Variants in IMPG1 observed in about 807,000 individuals in gnomAD.
IMPG1 encodes the protein interphotoreceptor matrix proteoglycan of 150 kDa.
Under a neutral mutation model 92.0 loss-of-function variants are expected in IMPG1, and 85 were observed. That is an observed-to-expected ratio of 0.92 (90% CI 0.78 to 1.11). The LOEUF (loss-of-function observed/expected upper bound fraction) is 1.11, where lower values mean the gene tolerates loss of function less well. Among genes scored for constraint, IMPG1 ranks in the 50% least tolerant of loss-of-function variants. The probability of loss-of-function intolerance (pLI) is 0.00; values close to 1 mark genes in which losing one functional copy is unlikely to be tolerated. For synonymous variants in IMPG1, 367 were observed against 334.1 expected (o/e 1.10, Z -1.08); for missense variants, 1,022 against 956.0 (o/e 1.07, Z -0.91).
At chr6:76,003,175 A>G (rs921618992) in intron 11 of IMPG1, among the ~76,000 whole-genome samples, 179 bp from the exon 12 acceptor site, 1 of 152,236 alleles carries the variant, frequency 6.6e-6, no homozygotes, top group Non-Finnish European at 1.5e-5. Context: ...GATAACATCC[A>G]TTGATACAGT....
At chr6:76,023,633 C>T (rs936714888) in intron 5 of IMPG1, among the ~76,000 whole-genome samples, 1 of 151,916 alleles carries the variant, frequency 6.6e-6, no homozygotes, top group Admixed American at 6.6e-5. Flanking sequence ...TGGAGGTGTC[C>T]AGAAGTACTG....
intron 6 of IMPG1, among the ~76,000 whole-genome samples, chr6:76,020,534 T>C (rs1430253567): frequency 6.6e-6 from 1 of 152,118 alleles, no homozygotes; most frequent in Non-Finnish European, 1.5e-5. Context: ...AGAGAGGTTG[T>C]AATGAAGGGG....
chr6:76,070,439 C>G (rs534071440), intron 1 of IMPG1, among the ~76,000 whole-genome samples: 4 of 152,090 alleles, frequency 2.6e-5, no homozygotes, highest in African/African-American at 4.8e-5. Flanking sequence ...TAGAACTACC[C>G]TTTGATCCAG....
At chr6:75,987,463 C>T (rs951369219) in intron 12 of IMPG1, among the ~76,000 whole-genome samples, 2 of 136,194 alleles carry the variant, frequency 1.5e-5, no homozygotes, top group African/African-American at 2.8e-5. Context: ...CTCCCCCCTG[C>T]CCCCACCCCA....
At chr6:75,922,217 C>T (rs1439666081) in intron 16 of IMPG1, 51 bp from the exon 17 acceptor site, 1 of 763,722 alleles carries the variant, frequency 1.3e-6, no homozygotes, top group East Asian at 2.7e-5. Context: ...CAAGGTCAAA[C>T]CAATGGTTCA....
chr6:75,999,710 C>G (rs1342216388), intron 12 of IMPG1, among the ~76,000 whole-genome samples: 1 of 152,190 alleles, frequency 6.6e-6, no homozygotes. Flanking sequence ...TGGATCTGCT[C>G]TTGTCAATGT....
chr6:76,071,361 A>G (rs902523529), intron 1 of IMPG1, among the ~76,000 whole-genome samples: 2 of 150,664 alleles, frequency 1.3e-5, no homozygotes, highest in African/African-American at 2.4e-5. Flanking sequence ...AGAATATACC[A>G]AAATCTCATT....
At chr6:76,023,630 G>A (rs749435766) in intron 5 of IMPG1, among the ~76,000 whole-genome samples, 62 of 152,092 alleles carry the variant, frequency 4.1e-4, no homozygotes, top group Admixed American at 1.0e-3. Flanking sequence ...AACTGGAGGT[G>A]TCCAGAAGTA....
At chr6:76,033,475 T>C (rs1352643150) in intron 4 of IMPG1, among the ~76,000 whole-genome samples, 6 of 152,212 alleles carry the variant, frequency 3.9e-5, no homozygotes, top group African/African-American at 1.4e-4. Context: ...AAAGGAATAT[T>C]TCAGACATAA....
intron 1 of IMPG1, among the ~76,000 whole-genome samples, chr6:76,045,842 T>C (rs536914721): frequency 2.6e-5 from 4 of 152,132 alleles, no homozygotes; most frequent in African/African-American, 9.7e-5. Flanking sequence ...CTTTTATGAG[T>C]TTGATATTTT....
intron 5 of IMPG1, 49 bp downstream of exon 5, chr6:76,025,145 G>T: frequency 1.9e-6 from 2 of 1,033,850 alleles, no homozygotes; most frequent in Non-Finnish European, 3.0e-6. Context: ...ATGCTATCAT[G>T]ATGATTTGAA....
At chr6:75,983,008 G>A (rs1004687752) in intron 12 of IMPG1, among the ~76,000 whole-genome samples, 1 of 152,030 alleles carries the variant, frequency 6.6e-6, no homozygotes, top group African/African-American at 2.4e-5. Flanking sequence ...ATGGGTAAGA[G>A]TTAGTGTAAA....
chr6:75,987,287 G>A (rs917724021), intron 12 of IMPG1, among the ~76,000 whole-genome samples: 3 of 149,756 alleles, frequency 2.0e-5, no homozygotes, highest in African/African-American at 7.3e-5. Context: ...TTGAACTTCA[G>A]TCTGACACAC....
intron 1 of IMPG1, among the ~76,000 whole-genome samples, chr6:76,055,584 A>G (rs951872784): frequency 1.3e-5 from 2 of 151,844 alleles, no homozygotes; most frequent in Non-Finnish European, 2.9e-5. Context: ...GATCATAAAT[A>G]TAAATGAAAA....
chr6:75,986,509 T>G (rs1267575018), intron 12 of IMPG1, among the ~76,000 whole-genome samples: 2 of 152,174 alleles, frequency 1.3e-5, no homozygotes, highest in Non-Finnish European at 2.9e-5. Flanking sequence ...GAAGGGGATC[T>G]GCAGAAAGAT....
intron 4 of IMPG1, among the ~76,000 whole-genome samples, chr6:76,026,089 G>T (rs528773699): frequency 6.6e-6 from 1 of 151,150 alleles, no homozygotes; most frequent in South Asian, 2.1e-4. Context: ...AGCTGCATGC[G>T]GGAAGCACTC....
intron 14 of IMPG1, among the ~76,000 whole-genome samples, chr6:75,937,837 G>T (rs1231712730): frequency 6.6e-6 from 1 of 152,154 alleles, no homozygotes; most frequent in Admixed American, 6.5e-5. Flanking sequence ...CCGGCCTTGA[G>T]GGCTGTCCAT....
At chr6:76,072,372 G>A (rs200056446) in intron 1 of IMPG1, 50 bp downstream of exon 1, 55 of 997,750 alleles carry the variant, frequency 5.5e-5, no homozygotes, top group Non-Finnish European at 7.9e-5. Context: ...CACTTCTATC[G>A]GTAGATTTTA....
chr6:75,975,462 G>A (rs2149467519), intron 12 of IMPG1, among the ~76,000 whole-genome samples: 1 of 152,308 alleles, frequency 6.6e-6, no homozygotes, highest in Non-Finnish European at 1.5e-5. Context: ...GTATCACCTA[G>A]CATACCTTTG....
Sources: gnomAD v4.1 joint callset for allele counts (sites outside exome capture counted in the v4.1 genomes callset) on GRCh38, gnomAD v4.1.1 for gene constraint, MANE v1.5 for transcripts, NCBI Gene and HGNC (gene_info 2026-07-23, HGNC 2026-07-21) for gene names.